The following ZFHX3 variants were observed in gnomAD, a reference collection of about 807,000 sequenced individuals.
ZFHX3 encodes zinc finger homeobox protein 3.
A neutral mutation model predicts 279.1 loss-of-function variants in ZFHX3; 42 were observed. The observed-to-expected ratio is 0.15, with a 90% confidence interval of 0.12 to 0.19. The LOEUF (loss-of-function observed/expected upper bound fraction) is 0.19, where lower values mean the gene tolerates loss of function less well. Among genes scored for constraint, ZFHX3 ranks in the 10% least tolerant of loss-of-function variants. ZFHX3 has a pLI of 1.00. For synonymous variants in ZFHX3, 2,293 were observed against 1,957.8 expected (o/e 1.17, Z -4.52); for missense variants, 4,981 against 4,754.0 (o/e 1.05, Z -1.40).
chr16:72,796,209 C>T lies in ZFHX3; in HGVS notation c.6473G>A (p.Arg2158Gln), dbSNP rs1479325725. 5.6e-6 allele frequency: 9 copies of T among 1,614,090 alleles called. No homozygotes were observed. Among genetic ancestry groups the T allele is most frequent in the East Asian group, 2.2e-5 (1 of 44,864 alleles). The change falls in exon 9 of 10, where the codon CGA becomes CAA. Residue 2158 changes from arginine (R) to glutamine (Q), a missense_variant. This residue lies in a region of ZFHX3 where 177 missense variants were observed against 244.2 expected (regional missense o/e 0.72). Coordinates refer to ENST00000268489, the MANE Select transcript of ZFHX3 (RefSeq NM_006885.4). ...AATGTCAAAATATTGCCGCAAGACT[C>T]GGAGCTGATCATCTGTGATCCTGGT... ...PRTRITDDQL[R>Q]VLRQYFDINN... is the part of the protein sequence containing the mutation.
At chr16:72,824,858 T>C (rs2036894497) in intron 5 of ZFHX3, among the ~76,000 whole-genome samples, 1 of 152,224 alleles carries the variant, frequency 6.6e-6, no homozygotes, top group Non-Finnish European at 1.5e-5. Context: ...TTCAAATCTA[T>C]TCTGGTAAAA....
At chr16:73,725,206 A>G (rs1379796502) in intron 1 of ZFHX3, among the ~76,000 whole-genome samples, 1 of 152,226 alleles carries the variant, frequency 6.6e-6, no homozygotes, top group Admixed American at 6.5e-5. Context: ...TGAAGAACAA[A>G]TTTAAAGATT....
At position 73,833,371 on chromosome 16, in the gene ZFHX3, A is replaced by G. The variant is rs77048439; in HGVS notation, c.-1608+58280T>C. Among the ~76,000 whole-genome samples, 436 of 152,306 alleles carry G rather than the reference A, an allele frequency of 2.9e-3. 2 individuals carry two copies. The highest frequency in any genetic ancestry group is 9.9e-3 in the African/African-American group (410 of 41,572). ...AGACCCCAGCTTAAAAAAATTATTT[A>G]GAATAAGTTATCAATTCCTTGCAAG... On this transcript the variant is annotated intron_variant, in intron 1 of 17. Coordinates refer to the ZFHX3 transcript ENST00000641206.
intron 2 of ZFHX3, among the ~76,000 whole-genome samples, chr16:73,495,193 C>A (rs189015604): frequency 1.3e-5 from 2 of 152,284 alleles, no homozygotes; most frequent in African/African-American, 4.8e-5. Flanking sequence ...ATTCCCTGAT[C>A]TAATGCATAA....
At chr16:73,888,866 G>T (rs1336695599) in intron 1 of ZFHX3, among the ~76,000 whole-genome samples, 1 of 151,778 alleles carries the variant, frequency 6.6e-6, no homozygotes, top group Non-Finnish European at 1.5e-5. Flanking sequence ...AAACCGGGAA[G>T]GATCCCTGTT....
Position 73,004,159 on chromosome 16 carries a change from CTTTTTTTTTT to C in ZFHX3, c.-50+43583_-50+43592del, listed in dbSNP as rs3081625. On this transcript the variant is annotated intron_variant, in intron 1 of 9. Transcript: ENST00000268489. ...CAATAATAACTACATAAAAACACGA[CTTTTTTTTTT>C]TTTTTTTTTTTTTTTAAGTAGAGAC... Among the ~76,000 whole-genome samples, 50 of 49,378 alleles carry C rather than the reference CTTTTTTTTTT, an allele frequency of 1.0e-3. 2 individuals carry two copies. In the South Asian group the frequency reaches 0.029, roughly 28 times the overall value. 32.4% of individuals were successfully genotyped at this position (49,378 alleles called of 152,430 possible).
At chr16:73,688,978 CTCTT>C (rs1393798623) in intron 1 of ZFHX3, among the ~76,000 whole-genome samples, 1 of 152,174 alleles carries the variant, frequency 6.6e-6, no homozygotes, top group Non-Finnish European at 1.5e-5. Context: ...TCCATTAAGC[CTCTT>C]TCTTTTGTGA....
At chr16:73,798,580 CAG>C (rs1960062272) in intron 1 of ZFHX3, among the ~76,000 whole-genome samples, 4 of 126,612 alleles carry the variant, frequency 3.2e-5, no homozygotes, top group Admixed American at 3.0e-4. Context: ...TGCACACACA[CAG>C]ACACACACAC....
At chr16:73,415,301 T>C (rs1267124715) in intron 3 of ZFHX3, among the ~76,000 whole-genome samples, 1 of 152,194 alleles carries the variant, frequency 6.6e-6, no homozygotes, top group Non-Finnish European at 1.5e-5. Context: ...AGTCTTGAGG[T>C]CTGCATGTTT....
chr16:73,774,611 T>C (rs141133083), intron 1 of ZFHX3, among the ~76,000 whole-genome samples: 23 of 152,332 alleles, frequency 1.5e-4, no homozygotes, highest in African/African-American at 4.3e-4. Context: ...GATGGTGCCA[T>C]TTGTAAGGCA....
chr16:73,779,362 T>C (rs966028472), intron 1 of ZFHX3, among the ~76,000 whole-genome samples: 6 of 152,130 alleles, frequency 3.9e-5, no homozygotes, highest in Non-Finnish European at 8.8e-5. Context: ...AAAGAATTCA[T>C]CTGAGAAAAA....
At chr16:73,714,843 C>A (rs1023980962) in intron 1 of ZFHX3, among the ~76,000 whole-genome samples, 1 of 152,180 alleles carries the variant, frequency 6.6e-6, no homozygotes, top group African/African-American at 2.4e-5. Context: ...CTCAGAAATT[C>A]ATACCAGCTC....
At chr16:73,426,285 G>A (rs1225972792) in intron 3 of ZFHX3, among the ~76,000 whole-genome samples, 2 of 152,212 alleles carry the variant, frequency 1.3e-5, no homozygotes, top group African/African-American at 4.8e-5. Context: ...AAAGCTTTAG[G>A]AGGTTTTGTT....
chr16:72,802,278 G>T (rs58186634), intron 7 of ZFHX3, among the ~76,000 whole-genome samples: 1 of 146,464 alleles, frequency 6.8e-6, no homozygotes, highest in African/African-American at 2.5e-5. Context: ...CGGCAAAAAA[G>T]AAAAAAAAAA....
At chr16:73,171,176 G>T in intron 5 of ZFHX3, among the ~76,000 whole-genome samples, 1 of 152,054 alleles carries the variant, frequency 6.6e-6, no homozygotes, top group African/African-American at 2.4e-5. Context: ...CCCCAAAAAA[G>T]CCCTTTTTAA....
chr16:73,588,258 A>AAG (rs2051947920), intron 2 of ZFHX3, among the ~76,000 whole-genome samples: 1 of 152,192 alleles, frequency 6.6e-6, no homozygotes, highest in Non-Finnish European at 1.5e-5. Context: ...CAGATAAAGA[A>AAG]TGTACGTAGA....
chr16:72,816,231 T>G (rs1395587954), intron 5 of ZFHX3, among the ~76,000 whole-genome samples: 1 of 152,238 alleles, frequency 6.6e-6, no homozygotes, highest in Non-Finnish European at 1.5e-5. Context: ...GGCTCTATAC[T>G]GTGCAAAACA....
intron 4 of ZFHX3, among the ~76,000 whole-genome samples, chr16:73,264,169 G>C (rs939075951): frequency 4.6e-5 from 7 of 152,034 alleles, no homozygotes; most frequent in Non-Finnish European, 8.8e-5. Context: ...TCTATCTGCG[G>C]GGAAAAAAGG....
rs367926365 is a variant in ZFHX3 at position 73,493,288 on chromosome 16, A to T, written c.-1546-37030T>A. The stretch of plus-strand genomic sequence containing the variant: ...AATATACACACATATATGCACACAG[A>T]TTCACGCACATCAGATGAACTGACA... On this transcript the variant is annotated intron_variant, in intron 2 of 17. Transcript: ENST00000641206. 4.6e-5 allele frequency among the ~76,000 whole-genome samples: 7 copies of T among 152,296 alleles called. No individual in the cohort carries two copies. In the South Asian group the frequency reaches 1.5e-3, roughly 32 times the overall value.
Sources: allele counts gnomAD v4.1 joint callset (sites outside exome capture counted in the v4.1 genomes callset), GRCh38; gene constraint gnomAD v4.1.1; regional missense constraint gnomAD v4.1.1; transcripts MANE v1.5; gene names NCBI Gene and HGNC (gene_info 2026-07-23, HGNC 2026-07-21).